Variants in ATP13A4 observed in about 807,000 individuals in gnomAD.
ATP13A4 encodes the protein probable cation-transporting ATPase 13A4.
Under a neutral mutation model 142.5 loss-of-function variants are expected in ATP13A4, and 114 were observed. The observed-to-expected ratio is 0.80, with a 90% CI of 0.69 to 0.93. The LOEUF (loss-of-function observed/expected upper bound fraction) is 0.93. Ranked by LOEUF, ATP13A4 falls within the 40% of genes least tolerant of loss-of-function variation. The pLI is 0.00. For missense variants in ATP13A4, 1,392 were observed against 1,454.0 expected, an observed-to-expected ratio of 0.96 and a Z score of 0.69; for synonymous variants, 488 against 514.8, an observed-to-expected ratio of 0.95 and a Z score of 0.70.
intron 12 of ATP13A4, among the ~76,000 whole-genome samples, chr3:193,463,466 C>T (rs1206519725): frequency 6.8e-6 from 1 of 146,490 alleles, no homozygotes. Context: ...GTATTTCTCT[C>T]AGTGCAATAT....
intron 2 of ATP13A4, among the ~76,000 whole-genome samples, chr3:193,572,613 C>G (rs76502829): frequency 0.021 from 3,188 of 152,208 alleles, 101 homozygotes; most frequent in African/African-American, 0.071. Flanking sequence ...AAAGGACAGC[C>G]TGCAAGCTTC....
chr3:193,490,207 A>C (rs1719872187), intron 6 of ATP13A4, among the ~76,000 whole-genome samples: 1 of 152,200 alleles, frequency 6.6e-6, no homozygotes, highest in Admixed American at 6.5e-5. Context: ...ACCCCAGAGC[A>C]CTTACTTTTA....
intron 1 of ATP13A4, among the ~76,000 whole-genome samples, chr3:193,591,630 T>A (rs1180133126): frequency 6.6e-6 from 1 of 152,228 alleles, no homozygotes; most frequent in Non-Finnish European, 1.5e-5. Flanking sequence ...AACATCATCA[T>A]GCATACATCT....
Position 193,491,395 on chromosome 3 carries a change from C to T in ATP13A4, c.537G>A (p.Arg179=). 1 of 1,577,624 alleles carries T rather than the reference C, an allele frequency of 6.3e-7. No individual in the cohort carries two copies. ...GLTREEQEIR[R]LICGPNTIDV... is the part of the protein sequence containing the mutation. Reference sequence around the variant, plus strand: ...CGATAGTATTAGGCCCACATATTAACCTCCTATAGAAAGAAATCACAGATC... The same window carrying T: ...CGATAGTATTAGGCCCACATATTAATCTCCTATAGAAAGAAATCACAGATC... Residue 179 remains arginine, a synonymous_variant, in exon 6 of 30, where the codon AGG becomes AGA. Coordinates refer to ENST00000342695, the MANE Select transcript of ATP13A4 (RefSeq NM_032279.4).
chr3:193,412,146 T>G, intron 27 of ATP13A4, 32 bp downstream of exon 27: 1 of 1,557,270 alleles, frequency 6.4e-7, no homozygotes, highest in Non-Finnish European at 8.9e-7. Context: ...TCTGATGACT[T>G]CTCACCTCTG....
intron 1 of ATP13A4, among the ~76,000 whole-genome samples, chr3:193,542,857 AC>A (rs369383515): frequency 2.0e-4 from 31 of 152,220 alleles, no homozygotes; most frequent in African/African-American, 7.5e-4. Context: ...TAAATGTAAA[AC>A]CCAAAACTAT....
chr3:193,491,739 G>A (rs1391275175), intron 5 of ATP13A4, among the ~76,000 whole-genome samples: 3 of 152,030 alleles, frequency 2.0e-5, no homozygotes, highest in Non-Finnish European at 4.4e-5. Flanking sequence ...CTCAATTCCG[G>A]TTTTATTACT....
At chr3:193,426,922 C>G (rs564209185) in intron 25 of ATP13A4, among the ~76,000 whole-genome samples, 1 of 151,828 alleles carries the variant, frequency 6.6e-6, no homozygotes, top group Non-Finnish European at 1.5e-5. Context: ...ATATTCATAA[C>G]CTTGAATTTG....
chr3:193,421,495 T>C (rs1576944300), intron 25 of ATP13A4, among the ~76,000 whole-genome samples: 1 of 149,806 alleles, frequency 6.7e-6, no homozygotes, highest in Admixed American at 6.9e-5. Context: ...AAAGTAAATA[T>C]ATGGTGAAAT....
chr3:193,459,650 G>T (rs1053902263), intron 13 of ATP13A4, among the ~76,000 whole-genome samples: 5 of 152,150 alleles, frequency 3.3e-5, no homozygotes, highest in Admixed American at 6.5e-5. Flanking sequence ...TGTTGGCCAG[G>T]CTGGTCTTGA....
intron 1 of ATP13A4, among the ~76,000 whole-genome samples, chr3:193,551,772 G>A (rs985059490): frequency 1.3e-5 from 2 of 152,170 alleles, no homozygotes; most frequent in South Asian, 2.1e-4. Context: ...TTTCCTCCTC[G>A]AAGCCTTTCT....
intron 27 of ATP13A4, 93 bp from the exon 28 acceptor site, chr3:193,411,163 T>A (rs2108602862): frequency 1.1e-6 from 1 of 870,008 alleles, no homozygotes; most frequent in Non-Finnish European, 2.0e-6. Flanking sequence ...AACACTGATT[T>A]AATTTACTTG....
chr3:193,399,965 C>T lies in ATP13A4; in HGVS notation c.*2687G>A, dbSNP rs2108596336. On this transcript the variant is annotated 3_prime_UTR_variant, in exon 30 of 30. Coordinates refer to ENST00000342695, the MANE Select transcript of ATP13A4 (RefSeq NM_032279.4). ...TTCATCTGATACTTGACTTCCTTCT[C>T]TACTTGGCCCTTGAATAGCCACTTG... Among the ~76,000 whole-genome samples the T allele has an allele frequency of 6.6e-6, 1 of 151,448 alleles. No individual in the cohort carries two copies. Among genetic ancestry groups the T allele is most frequent in the South Asian group, 2.1e-4 (1 of 4,734 alleles).
chr3:193,564,986 T>C (rs1724103478), intron 2 of ATP13A4, among the ~76,000 whole-genome samples: 1 of 152,186 alleles, frequency 6.6e-6, no homozygotes, highest in African/African-American at 2.4e-5. Flanking sequence ...CTGTTTCCCG[T>C]CACTCCCAGA....
intron 1 of ATP13A4, chr3:193,553,444 C>T (rs1723703004): frequency 6.6e-6 from 1 of 152,150 alleles, no homozygotes; most frequent in South Asian, 2.1e-4. Context: ...GAGGAAGGAG[C>T]CCCTGCCTTC....
intron 1 of ATP13A4, among the ~76,000 whole-genome samples, chr3:193,530,168 C>A (rs558408741): frequency 6.6e-6 from 1 of 152,214 alleles, no homozygotes; most frequent in South Asian, 2.1e-4. Flanking sequence ...TTGCCCTATG[C>A]TTTCTCACCC....
chr3:193,539,461 G>GGTTT (rs1190150793), intron 1 of ATP13A4, among the ~76,000 whole-genome samples: 1 of 152,188 alleles, frequency 6.6e-6, no homozygotes, highest in African/African-American at 2.4e-5. Flanking sequence ...TTCACAAGAG[G>GGTTT]GTTTGAGACA....
chr3:193,401,421 A>G lies in ATP13A4; in HGVS notation c.*1231T>C, dbSNP rs529695308. On this transcript the variant is annotated 3_prime_UTR_variant, in exon 30 of 30. Transcript: ENST00000342695. The stretch of plus-strand genomic sequence containing the variant: ...AAAAAAAATGTACTAGTTGTGTAAG[A>G]ACTCCCATCAATAGTGCCATATAAT... Among the ~76,000 whole-genome samples, 44 of 152,334 alleles carry G rather than the reference A, an allele frequency of 2.9e-4. No homozygotes were observed. The highest frequency in any genetic ancestry group is 9.9e-4 in the African/African-American group (41 of 41,578).
intron 29 of ATP13A4, chr3:193,404,221 G>A: frequency 1.1e-6 from 1 of 920,964 alleles, no homozygotes; most frequent in Non-Finnish European, 1.3e-6. Flanking sequence ...TTACTTCAAG[G>A]AAACCTTAGC....
Sources: allele counts gnomAD v4.1 joint callset (sites outside exome capture counted in the v4.1 genomes callset), GRCh38; gene constraint gnomAD v4.1.1; transcripts MANE v1.5; gene names NCBI Gene and HGNC (gene_info 2026-07-23, HGNC 2026-07-21).